Variants in DBF4 observed in about 807,000 individuals in gnomAD.
DBF4 encodes DBF4-CDC7 kinase regulatory subunit.
DBF4 carries 25 observed loss-of-function variants against 76.6 expected under a neutral mutation model. The ratio of observed to expected loss-of-function variants is 0.33; its 90% CI spans 0.24 to 0.46. DBF4 has a LOEUF of 0.46. Among genes scored for constraint, DBF4 ranks in the 20% least tolerant of loss-of-function variants. DBF4 has a pLI of 1.00. For missense variants in DBF4, 638 were observed against 760.8 expected, an observed-to-expected ratio of 0.84 and a Z score of 1.90; for synonymous variants, 213 against 258.0, an observed-to-expected ratio of 0.83 and a Z score of 1.67.
At position 87,908,235 on chromosome 7, in the gene DBF4, A is replaced by C; in HGVS notation, c.*72A>C. 2 of 1,339,938 alleles carry C rather than the reference A, an allele frequency of 1.5e-6. No homozygotes were observed. Among genetic ancestry groups the C allele is most frequent in the Non-Finnish European group, 1.9e-6 (2 of 1,028,932 alleles). The allele number at this position is 1,339,938 out of a possible 1,614,324, so 83.0% of individuals were successfully genotyped here. On this transcript the variant is annotated 3_prime_UTR_variant, in exon 12 of 12. Transcript: ENST00000265728. ...TGAAATTTTTATAAATATGTATGGA[A>C]ATTCTTAGGATTTTTTTACCAGCTT...
At chr7:87,880,792 G>A (rs1212386791) in intron 2 of DBF4, among the ~76,000 whole-genome samples, 1 of 152,048 alleles carries the variant, frequency 6.6e-6, no homozygotes, top group Non-Finnish European at 1.5e-5. Context: ...ACCTTTAATA[G>A]TGCAAGAAAA....
Position 87,907,362 on chromosome 7 carries a change from G to T in DBF4, c.1224G>T (p.Lys408Asn), listed in dbSNP as rs1178511370. The T allele has an allele frequency of 6.2e-7, 1 of 1,613,926 alleles. No homozygotes were observed. The highest frequency in any genetic ancestry group is 1.1e-5 in the South Asian group (1 of 91,070). Reference sequence around the variant, plus strand: ...AAGAGACCCAGGAAACTGAAAAAAAGCTCCTGTTTATTTCAGAGCCCATCC... The same window carrying T: ...AAGAGACCCAGGAAACTGAAAAAAATCTCCTGTTTATTTCAGAGCCCATCC... ...LYKETQETEK[K>N]LLFISEPIPH... Residue 408 changes from lysine (K) to asparagine (N), a missense_variant, in exon 12 of 12, where the codon AAG (lysine) becomes AAT (asparagine). By Grantham distance (94) the Lys-to-Asn change is moderately conservative. Coordinates refer to ENST00000265728, the MANE Select transcript of DBF4 (RefSeq NM_006716.4).
At chr7:87,906,082 C>T (rs1042547383) in intron 11 of DBF4, among the ~76,000 whole-genome samples, 1 of 151,864 alleles carries the variant, frequency 6.6e-6, no homozygotes, top group Non-Finnish European at 1.5e-5. Context: ...CACTTGAACC[C>T]GAGAAGCAGA....
At chr7:87,886,272 C>A (rs1444267186) in intron 3 of DBF4, among the ~76,000 whole-genome samples, 1 of 152,094 alleles carries the variant, frequency 6.6e-6, no homozygotes, top group East Asian at 1.9e-4. Context: ...GTGGCTCACG[C>A]CTGTAATCCC....
At position 87,885,030 on chromosome 7, in the gene DBF4, A is replaced by G; in HGVS notation, c.271A>G (p.Lys91Glu). 6.2e-7 allele frequency: 1 copy of G among 1,613,474 alleles called. No homozygotes were observed. Among genetic ancestry groups the G allele is most frequent in the Non-Finnish European group, 8.5e-7 (1 of 1,179,418 alleles). Residue 91 changes from lysine (K) to glutamate (E), a missense_variant, in exon 3 of 12, where the codon AAG becomes GAG. Lys to Glu is a moderately conservative substitution (Grantham distance 56). Transcript: ENST00000265728. ...TATCAGTTATCTTATTTCAAATAAG[A>G]AGGAAGCTAAATTTGCACAAACCTT... ...KDISYLISNK[K>E]EAKFAQTLGR...
rs750232129 is a variant in DBF4, at chr7:87,907,611, T to G, written c.1473T>G (p.His491Gln). 5.6e-6 allele frequency: 9 copies of G among 1,614,080 alleles called. No homozygotes were observed. The highest frequency in any genetic ancestry group is 6.8e-6 in the Non-Finnish European group (8 of 1,179,952). The change falls in exon 12 of 12, where the codon CAT becomes CAG. Residue 491 changes from histidine (H) to glutamine (Q), a missense_variant. By Grantham distance (24) the His-to-Gln change is conservative. Transcript: ENST00000265728. ...HYKCNIQASV[H>Q]VSDFSTDNSG... ...AATGTAACATACAGGCATCTGTACA[T>G]GTTTCTGATTTCAGTACAGATAATA... is the stretch of plus-strand genomic sequence containing the variant.
Position 87,886,909 on chromosome 7 carries a change from T to A in DBF4, c.450+15T>A. 3.4e-6 allele frequency: 5 copies of A among 1,484,918 alleles called. No homozygotes were observed. Among genetic ancestry groups the A allele is most frequent in the Non-Finnish European group, 4.6e-6 (5 of 1,079,950 alleles). 92.0% of individuals were successfully genotyped at this position (1,484,918 alleles called of 1,614,324 possible). A position where few individuals can be genotyped will look rare whatever the true frequency, so the allele number is the denominator to read the frequency against. On this transcript the variant is annotated intron_variant, in intron 4 of 11. Transcript: ENST00000265728. Reference sequence around the variant, plus strand: ...TCAAGGACCATGTAAGTAGGAACTATAAAGATTCACATTGTACATTTTGTT... The same window carrying A: ...TCAAGGACCATGTAAGTAGGAACTAAAAAGATTCACATTGTACATTTTGTT...
At chr7:87,896,602 T>TGA (rs1295566239) in intron 7 of DBF4, 92 bp downstream of exon 7, 15 of 1,149,524 alleles carry the variant, frequency 1.3e-5, no homozygotes, top group Non-Finnish European at 1.9e-5. Context: ...CTCTAAATGA[T>TGA]TTATTCAAGG....
intron 2 of DBF4, among the ~76,000 whole-genome samples, chr7:87,879,911 C>G (rs1478638441): frequency 1.3e-5 from 2 of 151,344 alleles, no homozygotes; most frequent in Non-Finnish European, 1.5e-5. Context: ...CAAGATTGTG[C>G]CACTGTACCC....
At chr7:87,900,999 G>A in intron 10 of DBF4, 121 bp downstream of exon 10, 1 of 800,502 alleles carries the variant, frequency 1.2e-6, no homozygotes, top group Non-Finnish European at 2.0e-6. Flanking sequence ...GAGGAAATGA[G>A]TATTGAAAAT....
At chr7:87,889,084 C>T (rs1036203494) in intron 6 of DBF4, among the ~76,000 whole-genome samples, 1 of 152,052 alleles carries the variant, frequency 6.6e-6, no homozygotes, top group Non-Finnish European at 1.5e-5. Context: ...CTGGAAAAAC[C>T]AGCATGTTAA....
chr7:87,903,870 A>G (rs1410802533), intron 10 of DBF4, among the ~76,000 whole-genome samples: 1 of 151,500 alleles, frequency 6.6e-6, no homozygotes, highest in Non-Finnish European at 1.5e-5. Flanking sequence ...GATTTTTTGT[A>G]TTTTTAGTAG....
chr7:87,889,140 T>G (rs545751938), intron 6 of DBF4, among the ~76,000 whole-genome samples: 1 of 152,292 alleles, frequency 6.6e-6, no homozygotes, highest in South Asian at 2.1e-4. Flanking sequence ...GATTTTATCT[T>G]GGAGAGTTTG....
At chr7:87,900,661 C>T (rs1839754854) in intron 9 of DBF4, 103 bp from the exon 10 acceptor site, 2 of 968,356 alleles carry the variant, frequency 2.1e-6, no homozygotes, top group African/African-American at 3.3e-5. Flanking sequence ...ATACAAGTCT[C>T]TGCAAATTAT....
chr7:87,906,330 T>G lies in DBF4; in HGVS notation c.1050-858T>G, dbSNP rs918067453. 4.6e-5 allele frequency among the ~76,000 whole-genome samples: 7 copies of G among 151,836 alleles called. No homozygotes were observed. The East Asian group carries it at 5.8e-4, about 13-fold the overall frequency. On this transcript the variant is annotated intron_variant, in intron 11 of 11. Coordinates refer to ENST00000265728, the MANE Select transcript of DBF4 (RefSeq NM_006716.4). ...AAAAGCCATGTTAGAGTAGTTTTTT[T>G]TTTTTTTTTTACATTTTTTTATTGC...
Position 87,907,852 on chromosome 7 carries a change from G to A in DBF4, c.1714G>A (p.Gly572Ser), listed in dbSNP as rs772408047. The change falls in exon 12 of 12, where the codon GGT (glycine) becomes AGT (serine). Residue 572 changes from glycine (G) to serine (S), a missense_variant. Coordinates refer to ENST00000265728, the MANE Select transcript of DBF4 (RefSeq NM_006716.4). Reference protein sequence around the residue: ...DFKNMDSLPSGKIHRKVKIIL... With the variant: ...DFKNMDSLPSSKIHRKVKIIL... The stretch of plus-strand genomic sequence containing the variant: ...CAAGAATATGGATAGTTTACCTTCT[G>A]GTAAAATACATCGAAAAGTGAAAAT... The A allele has an allele frequency of 1.2e-6, 2 of 1,613,498 alleles. No homozygotes were observed. Among genetic ancestry groups the A allele is most frequent in the African/African-American group, 2.7e-5 (2 of 74,838 alleles).
In DBF4 at chr7:87,876,505, G is replaced by T. The variant is rs986430389; in HGVS notation, c.-228G>T. On this transcript the variant is annotated 5_prime_UTR_variant, in exon 1 of 12. Coordinates refer to ENST00000265728, the MANE Select transcript of DBF4 (RefSeq NM_006716.4). ...GTGACGCGTTTTCAAATCTTCAACC[G>T]CCGCAGCCCACTCGTTTGTGCTTTG... 10 of 481,914 alleles carry T rather than the reference G, an allele frequency of 2.1e-5. No individual in the cohort carries two copies. Among genetic ancestry groups the T allele is most frequent in the Non-Finnish European group, 3.7e-5 (10 of 268,790 alleles). The allele number at this position is 481,914 out of a possible 1,614,324, so 29.9% of individuals were successfully genotyped here.
chr7:87,881,337 G>C (rs193179816), intron 2 of DBF4, among the ~76,000 whole-genome samples: 17 of 152,324 alleles, frequency 1.1e-4, no homozygotes, highest in Non-Finnish European at 1.3e-4. Flanking sequence ...GAACCTGGGG[G>C]TTGGAGGTTG....
intron 10 of DBF4, among the ~76,000 whole-genome samples, chr7:87,901,170 G>A (rs1839777751): frequency 6.9e-6 from 1 of 145,510 alleles, no homozygotes; most frequent in African/African-American, 2.8e-5. Flanking sequence ...CAGGATAAAA[G>A]AAGAATAAAA....
Sources: allele counts gnomAD v4.1 joint callset (sites outside exome capture counted in the v4.1 genomes callset), GRCh38; gene constraint gnomAD v4.1.1; transcripts MANE v1.5; gene names NCBI Gene and HGNC (gene_info 2026-07-23, HGNC 2026-07-21).